Variants in CSF2RA observed in about 807,000 individuals in gnomAD.
The protein encoded by CSF2RA is colony stimulating factor 2 receptor subunit alpha.
In CSF2RA, 42 loss-of-function variants were observed where a neutral mutation model predicts 51.6. The ratio of observed to expected loss-of-function variants is 0.81; its 90% CI spans 0.64 to 1.05. CSF2RA has a LOEUF of 1.05. CSF2RA is among the 50% of genes least tolerant of loss of function. The probability of loss-of-function intolerance (pLI) is 0.00; values close to 1 mark genes in which losing one functional copy is unlikely to be tolerated. For synonymous variants in CSF2RA, 222 were observed against 193.0 expected, an observed-to-expected ratio of 1.15 and a Z score of -1.24; for missense variants, 530 against 501.1, an observed-to-expected ratio of 1.06 and a Z score of -0.55.
chrX:1,271,578 G>A (rs35898872), intron 1 of CSF2RA, among the ~76,000 whole-genome samples: 47,894 of 151,434 alleles, frequency 0.32, 9,337 homozygotes, highest in Non-Finnish European at 0.44. Context: ...GTGCAGTGGT[G>A]CGATCTCGGC....
intron 4 of CSF2RA, among the ~76,000 whole-genome samples, chrX:1,288,251 G>T (rs1452939254): frequency 6.7e-6 from 1 of 149,954 alleles, no homozygotes; most frequent in Non-Finnish European, 1.5e-5. Context: ...GGAGGCCGAG[G>T]CGGGTGGATC....
chrX:1,303,418 T>A, intron 10 of CSF2RA: 1 of 412,104 alleles, frequency 2.4e-6, no homozygotes, highest in Non-Finnish European at 4.3e-6. Flanking sequence ...TATTTTTTTT[T>A]TAGCAGAGAT....
At chrX:1,283,691 C>T (rs1486225339) in intron 3 of CSF2RA, among the ~76,000 whole-genome samples, 1 of 151,822 alleles carries the variant, frequency 6.6e-6, no homozygotes, top group Non-Finnish European at 1.5e-5. Flanking sequence ...CCTCAGCCTC[C>T]CGAGTAGCTG....
At position 1,309,560 on chromosome X, in the gene CSF2RA, C is replaced by T. The variant is rs766994348; in HGVS notation, c.*81C>T. The T allele has an allele frequency of 3.0e-5, 49 of 1,613,962 alleles. No homozygotes were observed. The African/African-American group carries it at 4.3e-4, about 14-fold the overall frequency. On this transcript the variant is annotated 3_prime_UTR_variant, in exon 13 of 13. Transcript: ENST00000381529. ...CTGTTTTCTTGATGATGCTGTGAAC[C>T]TTTATATCATTTTCTATGTTTTTAT...
intron 6 of CSF2RA, among the ~76,000 whole-genome samples, chrX:1,289,848 GTT>G (rs2091189973): frequency 2.9e-5 from 3 of 105,024 alleles, no homozygotes; most frequent in Admixed American, 9.0e-5. Flanking sequence ...TTTGTTTTGT[GTT>G]TTTGTGTTTT....
downstream of CSF2RA, among the ~76,000 whole-genome samples, chrX:1,314,433 G>GCACTGCACCTGCCCAACCC (rs2084374021): frequency 9.0e-6 from 1 of 111,174 alleles, no homozygotes; most frequent in African/African-American, 4.2e-5. Context: ...CTGCCCAACC[G>GCACTGCACCTGCCCAACCC]CACTGCACTT....
rs73177310 is a variant in CSF2RA at position 1,287,457 on chromosome X, T to A, written c.220-1062T>A. Among the ~76,000 whole-genome samples the A allele has an allele frequency of 4.0e-5, 6 of 148,346 alleles. 1 individual carries two copies. The highest frequency in any genetic ancestry group is 1.3e-4 in the African/African-American group (5 of 39,954). On this transcript the variant is annotated intron_variant, in intron 4 of 12. Transcript: ENST00000381529. ...GTGAGCCACCGTGTCCGACCTTTAT[T>A]TTTTGGGATGGAGTCTCGCTCTGTC...
chrX:1,317,439 C>T, the CSF2RA span, among the ~76,000 whole-genome samples: 5 of 148,080 alleles, frequency 3.4e-5, no homozygotes, highest in Admixed American at 1.4e-4. Context: ...TTAGTAGAGA[C>T]GGGCTTTCTC....
intron 7 of CSF2RA, 83 bp downstream of exon 7, chrX:1,290,592 C>A (rs763990556): frequency 1.2e-4 from 160 of 1,339,622 alleles, no homozygotes; most frequent in Non-Finnish European, 1.6e-4. Flanking sequence ...AGGCCACGTG[C>A]GGTGTCTCAC....
At chrX:1,325,073 A>G in the CSF2RA span, among the ~76,000 whole-genome samples, 4 of 151,756 alleles carry the variant, frequency 2.6e-5, no homozygotes, top group African/African-American at 9.7e-5. Context: ...AGTTGAAAAC[A>G]AAACATACTT....
downstream of CSF2RA, among the ~76,000 whole-genome samples, chrX:1,312,983 G>A (rs1311944069): frequency 1.3e-5 from 2 of 152,154 alleles, no homozygotes; most frequent in Non-Finnish European, 2.9e-5. Flanking sequence ...CTCTGGGCCT[G>A]CAAGAAGTGA....
Position 1,299,009 on chromosome X carries a change from T to G in CSF2RA, c.811-1482T>G, listed in dbSNP as rs1244540133. Reference sequence around the variant, plus strand: ...TGGTTTATGGGACTCTTAGTGCCAGTGTGGCCCAGGGGTGGACACGGTGGA... The same window carrying G: ...TGGTTTATGGGACTCTTAGTGCCAGGGTGGCCCAGGGGTGGACACGGTGGA... On this transcript the variant is annotated intron_variant, in intron 9 of 12. Transcript: ENST00000381529. 4.6e-5 allele frequency among the ~76,000 whole-genome samples: 7 copies of G among 152,164 alleles called. No individual in the cohort carries two copies. In the East Asian group the frequency reaches 9.6e-4, roughly 21 times the overall value.
intron 1 of CSF2RA, among the ~76,000 whole-genome samples, chrX:1,270,678 TTGC>T (rs1367823520): frequency 3.3e-5 from 5 of 151,866 alleles, no homozygotes; most frequent in Admixed American, 2.0e-4. Flanking sequence ...TTCACATATC[TTGC>T]GTCAGGAATG....
chrX:1,316,968 A>G, the CSF2RA span, among the ~76,000 whole-genome samples: 1 of 152,080 alleles, frequency 6.6e-6, no homozygotes, highest in African/African-American at 2.4e-5. Flanking sequence ...TTTTATTGAG[A>G]CGGACTCTCA....
At chrX:1,280,533 G>A (rs1333449797) in intron 2 of CSF2RA, among the ~76,000 whole-genome samples, 16 of 151,766 alleles carry the variant, frequency 1.1e-4, no homozygotes, top group Middle Eastern at 3.4e-3. Context: ...CCATAAAGGC[G>A]GGACAACTCA....
chrX:1,303,882 T>C, intron 10 of CSF2RA, 41 bp from the exon 11 acceptor site: 1 of 1,503,030 alleles, frequency 6.7e-7, no homozygotes, highest in Non-Finnish European at 9.3e-7. Flanking sequence ...CACATGTCCG[T>C]CAACGATTCA....
Position 1,300,541 on chromosome X carries a change from G to C in CSF2RA, c.861G>C (p.Glu287Asp). ...LENRYNFPSS[E>D]PRAKHSVKIR... ...ATAGATACAACTTTCCAAGCTCTGA[G>C]CCCAGAGCAAAACACAGTGTGAAGA... is the stretch of plus-strand genomic sequence containing the variant. The change falls in exon 10 of 13, where the codon GAG becomes GAC. Residue 287 changes from glutamate (E) to aspartate (D), a missense_variant. Glu to Asp is a conservative substitution (Grantham distance 45, BLOSUM62 2). Coordinates refer to ENST00000381529, the MANE Select transcript of CSF2RA (RefSeq NM_172245.4). The C allele has an allele frequency of 1.9e-6, 3 of 1,613,916 alleles. No homozygotes were observed. Among genetic ancestry groups the C allele is most frequent in the Non-Finnish European group, 2.5e-6 (3 of 1,179,840 alleles).
In CSF2RA at chrX:1,295,421, T is replaced by C. The variant is rs1404818435; in HGVS notation, c.781-6T>C. The stretch of plus-strand genomic sequence containing the variant: ...AGCCTTGTGTTGTGTTTTGTTTTGT[T>C]TCTAGAATACCCAGCCTGGCACGGA... On this transcript the variant is annotated splice_region_variant and splice_polypyrimidine_tract_variant and intron_variant, in intron 8 of 12. Transcript: ENST00000381529. 3.1e-6 allele frequency: 5 copies of C among 1,613,520 alleles called. No homozygotes were observed. The highest frequency in any genetic ancestry group is 4.2e-6 in the Non-Finnish European group (5 of 1,179,582).
chrX:1,289,664 G>GGTTTTTGTTTTGTGTTGTGTTT (rs2091154038), intron 6 of CSF2RA, among the ~76,000 whole-genome samples: 1 of 142,104 alleles, frequency 7.0e-6, no homozygotes, highest in Non-Finnish European at 1.5e-5. Context: ...TTTGTTTTGT[G>GGTTTTTGTTTTGTGTTGTGTTT]GTTTTTGTTT....
Sources: allele counts gnomAD v4.1 joint callset (sites outside exome capture counted in the v4.1 genomes callset), GRCh38; gene constraint gnomAD v4.1.1; transcripts MANE v1.5; gene names NCBI Gene and HGNC (gene_info 2026-07-23, HGNC 2026-07-21).